Variants in DIS3L2 observed in about 807,000 individuals in gnomAD.
DIS3L2 encodes DIS3 like 3'-5' exoribonuclease 2.
Under a neutral mutation model 97.5 loss-of-function variants are expected in DIS3L2, and 34 were observed. The observed-to-expected ratio is 0.35, with a 90% CI of 0.27 to 0.46. DIS3L2 has a LOEUF of 0.46. DIS3L2 is among the 20% of genes least tolerant of loss of function. The pLI is 1.00. For missense variants in DIS3L2, 1,038 were observed against 1,146.0 expected (o/e 0.91, Z 1.36); for synonymous variants, 435 against 445.2 (o/e 0.98, Z 0.29).
chr2:232,046,468 A>G (rs1695247867), intron 5 of DIS3L2, among the ~76,000 whole-genome samples: 1 of 152,206 alleles, frequency 6.6e-6, no homozygotes, highest in Admixed American at 6.5e-5. Context: ...CTTTGCTCTT[A>G]AGATAAAGAT....
intron 8 of DIS3L2, among the ~76,000 whole-genome samples, chr2:232,142,046 A>G (rs1258775110): frequency 6.6e-6 from 1 of 152,176 alleles, no homozygotes; most frequent in East Asian, 1.9e-4. Flanking sequence ...TTCCCTTTGC[A>G]AAAGGAATAT....
At chr2:232,038,716 A>G (rs928069393) in intron 5 of DIS3L2, among the ~76,000 whole-genome samples, 20 of 152,120 alleles carry the variant, frequency 1.3e-4, no homozygotes, top group African/African-American at 4.3e-4. Flanking sequence ...GATGGGGTAG[A>G]TTGTTAACCA....
rs1459825302 is a variant in DIS3L2 at position 232,015,503 on chromosome 2, C to T, written c.53-11C>T. 3 of 1,610,542 alleles carry T rather than the reference C, an allele frequency of 1.9e-6. No individual in the cohort carries two copies. The highest frequency in any genetic ancestry group is 2.5e-6 in the Non-Finnish European group (3 of 1,178,288). On this transcript the variant is annotated splice_polypyrimidine_tract_variant and intron_variant, in intron 2 of 20. Coordinates refer to ENST00000325385, the MANE Select transcript of DIS3L2 (RefSeq NM_152383.5). ...TTGAGGAAAGAGTTGATTGCTGCCT[C>T]CTGTTTCTAGGTGTGTCTGCTGTGG...
chr2:232,014,470 C>T (rs1463160090), intron 1 of DIS3L2, among the ~76,000 whole-genome samples: 1 of 152,218 alleles, frequency 6.6e-6, no homozygotes, highest in Non-Finnish European at 1.5e-5. Flanking sequence ...GTACCTATTC[C>T]ATTACAGCTT....
At chr2:232,300,551 A>G (rs1694827665) in intron 14 of DIS3L2, among the ~76,000 whole-genome samples, 1 of 151,608 alleles carries the variant, frequency 6.6e-6, no homozygotes, top group South Asian at 2.1e-4. Flanking sequence ...AATGGTTGGG[A>G]GATTTCCGGG....
chr2:231,978,747 C>T (rs1473831719), intron 1 of DIS3L2: 2 of 152,208 alleles, frequency 1.3e-5, no homozygotes, highest in Admixed American at 6.5e-5. Context: ...ACCTCCTGCT[C>T]CTCAAATAGG....
chr2:231,967,196 T>C (rs1692746888), intron 1 of DIS3L2, among the ~76,000 whole-genome samples: 1 of 152,132 alleles, frequency 6.6e-6, no homozygotes, highest in African/African-American at 2.4e-5. Context: ...CAGTAAAGTA[T>C]TGGTGGAGTG....
chr2:232,322,774 GAGAA>G (rs1325495177), intron 14 of DIS3L2, among the ~76,000 whole-genome samples: 5 of 152,350 alleles, frequency 3.3e-5, no homozygotes, highest in East Asian at 1.9e-4. Flanking sequence ...GAGAGACGGA[GAGAA>G]AGAAAGACCT....
chr2:232,336,113 C>T lies in DIS3L2; in HGVS notation c.2496+239C>T, dbSNP rs9679389. The T allele has an allele frequency of 1.8e-3, 2,759 of 1,542,904 alleles. 38 individuals are homozygous for T. The African/African-American group carries it at 0.03, about 17-fold the overall frequency. On this transcript the variant is annotated intron_variant, in intron 20 of 20. Transcript: ENST00000325385. ...GAGAGAGGAGGGGCTCTGCCTGTCC[C>T]GCTAATGCAGGGGTGCTGGCCTTCT...
chr2:232,330,631 C>T, intron 15 of DIS3L2, 59 bp from the exon 16 acceptor site: 2 of 1,568,950 alleles, frequency 1.3e-6, no homozygotes, highest in Non-Finnish European at 1.8e-6. Context: ...ATGACAGGGC[C>T]CAGAGTCTCT....
chr2:232,267,125 G>A (rs1021283900), intron 13 of DIS3L2, among the ~76,000 whole-genome samples: 2 of 152,218 alleles, frequency 1.3e-5, no homozygotes, highest in African/African-American at 4.8e-5. Flanking sequence ...ACCCATGTCT[G>A]AGTTAGTGAG....
chr2:232,182,471 T>C (rs1474758248), intron 9 of DIS3L2, among the ~76,000 whole-genome samples: 1 of 152,232 alleles, frequency 6.6e-6, no homozygotes, highest in Non-Finnish European at 1.5e-5. Flanking sequence ...TTCTATTTTC[T>C]TGTTTATCTT....
intron 9 of DIS3L2, among the ~76,000 whole-genome samples, chr2:232,173,710 A>C (rs557718650): frequency 1.9e-3 from 295 of 152,214 alleles, no homozygotes; most frequent in African/African-American, 6.6e-3. Flanking sequence ...TTCTTCATGA[A>C]ATTGTCTTGG....
rs1343884804 is a variant in DIS3L2, at chr2:232,336,880, C to G, written c.*250C>G. The G allele has an allele frequency of 7.5e-7, 1 of 1,325,682 alleles. No homozygotes were observed. Among genetic ancestry groups the G allele is most frequent in the African/African-American group, 1.5e-5 (1 of 66,894 alleles). 82.1% of individuals were successfully genotyped at this position (1,325,682 alleles called of 1,614,324 possible). A position where few individuals can be genotyped will look rare whatever the true frequency, so the allele number is the denominator to read the frequency against. On this transcript the variant is annotated 3_prime_UTR_variant, in exon 21 of 21. Transcript: ENST00000325385. ...GGCCCCAGTCCTCCTGGGAGGCTGG[C>G]CCCCCTTTTTTCTGGGCCCTACTGC... is the stretch of plus-strand genomic sequence containing the variant.
chr2:232,313,434 T>C (rs1695187131), intron 14 of DIS3L2, among the ~76,000 whole-genome samples: 1 of 152,202 alleles, frequency 6.6e-6, no homozygotes, highest in Admixed American at 6.5e-5. Context: ...GCCTTGGCCA[T>C]TTTACAGAAG....
chr2:231,962,688 G>C (rs1692602184), intron 1 of DIS3L2, among the ~76,000 whole-genome samples: 1 of 152,064 alleles, frequency 6.6e-6, no homozygotes, highest in Non-Finnish European at 1.5e-5. Flanking sequence ...GCCCGCCTTG[G>C]CCTCCCAAAG....
chr2:232,183,814 C>G (rs945569421), intron 9 of DIS3L2, among the ~76,000 whole-genome samples: 1 of 152,182 alleles, frequency 6.6e-6, no homozygotes, highest in Admixed American at 6.5e-5. Flanking sequence ...TCAAATTAAG[C>G]AAACCCGGTA....
intron 5 of DIS3L2, among the ~76,000 whole-genome samples, chr2:232,071,356 C>G (rs1696010830): frequency 6.6e-6 from 1 of 151,618 alleles, no homozygotes; most frequent in South Asian, 2.1e-4. Context: ...CCTGTCTCTA[C>G]AAAAAATAAA....
chr2:232,294,630 G>T (rs1694680435), intron 13 of DIS3L2, among the ~76,000 whole-genome samples: 1 of 152,050 alleles, frequency 6.6e-6, no homozygotes, highest in South Asian at 2.1e-4. Flanking sequence ...CCTGCTCTCT[G>T]ACCATGGCCT....
Sources: allele counts gnomAD v4.1 joint callset (sites outside exome capture counted in the v4.1 genomes callset), GRCh38; gene constraint gnomAD v4.1.1; transcripts MANE v1.5; gene names NCBI Gene and HGNC (gene_info 2026-07-23, HGNC 2026-07-21).